COBL: variants seen among roughly 807,000 people sequenced by gnomAD.
COBL encodes the protein protein cordon-bleu.
Under a neutral mutation model 98.8 loss-of-function variants are expected in COBL, and 51 were observed. The observed-to-expected ratio is 0.52, with a 90% CI of 0.41 to 0.65. The LOEUF is 0.65. Ranked by LOEUF, COBL falls within the 30% of genes least tolerant of loss-of-function variation. The pLI is 0.00. For missense variants in COBL, 1,617 were observed against 1,617.5 expected (o/e 1.00, Z 0.01); for synonymous variants, 634 against 651.7 (o/e 0.97, Z 0.41).
In COBL at chr7:51,316,588, CTTA is replaced by C; in HGVS notation, c.41+2_41+4del. ...TCCACCCCGCCCGACCGCGGGGCCG[CTTA>C]CCCGGTCGGGGGCTTGGCCGCCGAG... On this transcript the variant is annotated splice_donor_variant and splice_donor_region_variant and intron_variant, in intron 1 of 12. Coordinates refer to ENST00000265136, the MANE Select transcript of COBL (RefSeq NM_015198.5). LOFTEE classifies it high-confidence loss of function. 2 of 1,207,140 alleles carry C rather than the reference CTTA, an allele frequency of 1.7e-6. No homozygotes were observed. Among genetic ancestry groups the C allele is most frequent in the Non-Finnish European group, 2.1e-6 (2 of 972,228 alleles). The allele number at this position is 1,207,140 out of a possible 1,614,324, so 74.8% of individuals were successfully genotyped here. A position where few individuals can be genotyped will look rare whatever the true frequency, so the allele number is the denominator to read the frequency against.
chr7:51,044,232 C>T (rs1032612265), intron 7 of COBL, among the ~76,000 whole-genome samples: 3 of 152,144 alleles, frequency 2.0e-5, no homozygotes, highest in Non-Finnish European at 4.4e-5. Context: ...AGGCCAGTTT[C>T]TGTGGTTGAG....
chr7:51,209,407 G>A (rs1381016606), intron 2 of COBL, among the ~76,000 whole-genome samples: 1 of 152,198 alleles, frequency 6.6e-6, no homozygotes, highest in Non-Finnish European at 1.5e-5. Context: ...GGAGCACCTG[G>A]TGCGGCCTGG....
chr7:51,059,032 GTGAGTA>G (rs1371498392), intron 7 of COBL, among the ~76,000 whole-genome samples: 18 of 152,236 alleles, frequency 1.2e-4, no homozygotes, highest in African/African-American at 4.3e-4. Context: ...CCCCATGTGG[GTGAGTA>G]TAAGTGCACC....
chr7:51,274,581 CTT>C (rs1221085756), intron 1 of COBL, among the ~76,000 whole-genome samples: 5 of 152,212 alleles, frequency 3.3e-5, no homozygotes, highest in African/African-American at 1.2e-4. Flanking sequence ...GATGCAGTGA[CTT>C]TACTATGGAA....
At chr7:51,103,868 A>G (rs1227714121) in intron 6 of COBL, among the ~76,000 whole-genome samples, 1 of 152,244 alleles carries the variant, frequency 6.6e-6, no homozygotes, top group Non-Finnish European at 1.5e-5. Context: ...ATCTAACTCA[A>G]ATCAGAGGGG....
At chr7:51,311,322 G>A (rs1164897857) in intron 1 of COBL, among the ~76,000 whole-genome samples, 1 of 152,192 alleles carries the variant, frequency 6.6e-6, no homozygotes, top group Non-Finnish European at 1.5e-5. Flanking sequence ...TCCCTGCTGG[G>A]GAAAGCCATC....
chr7:51,095,272 C>T (rs1583773763), intron 6 of COBL, among the ~76,000 whole-genome samples: 1 of 152,104 alleles, frequency 6.6e-6, no homozygotes, highest in Non-Finnish European at 1.5e-5. Flanking sequence ...TATTCACTAT[C>T]ATGAGAACAG....
chr7:51,147,456 C>A (rs1408814340), intron 5 of COBL, among the ~76,000 whole-genome samples: 4 of 152,174 alleles, frequency 2.6e-5, no homozygotes, highest in Non-Finnish European at 5.9e-5. Flanking sequence ...TCATTTATAA[C>A]CTGACGCGTT....
rs532176800 is a variant in COBL at position 51,071,217 on chromosome 7, C to T, written c.1096+13949G>A. ...ATGGCTTATAAGGAGGAGAAATGAC[C>T]TGTAACAAGGGATGGGTTCTAAGCT... On this transcript the variant is annotated intron_variant, in intron 7 of 12. Transcript: ENST00000265136. 13 of 152,254 alleles carry T rather than the reference C, an allele frequency of 8.5e-5. No individual in the cohort carries two copies. In the South Asian group the frequency reaches 2.7e-3, roughly 32 times the overall value. 9.4% of individuals were successfully genotyped at this position (152,254 alleles called of 1,614,324 possible). A position where few individuals can be genotyped will look rare whatever the true frequency, so the allele number is the denominator to read the frequency against.
chr7:51,095,708 T>A (rs999603106), intron 6 of COBL, among the ~76,000 whole-genome samples: 1 of 152,030 alleles, frequency 6.6e-6, no homozygotes, highest in East Asian at 1.9e-4. Flanking sequence ...AGATATTCCA[T>A]GCAAATAGTA....
rs370720064 is a variant in COBL at position 51,043,737 on chromosome 7, C to A, written c.1097-45G>T. The A allele has an allele frequency of 2.0e-6, 3 of 1,533,146 alleles. No homozygotes were observed. In the African/African-American group the frequency reaches 4.1e-5, roughly 21 times the overall value. 95.0% of individuals were successfully genotyped at this position (1,533,146 alleles called of 1,614,324 possible). A position where few individuals can be genotyped will look rare whatever the true frequency, so the allele number is the denominator to read the frequency against. On this transcript the variant is annotated intron_variant, in intron 7 of 12. Coordinates refer to ENST00000265136, the MANE Select transcript of COBL (RefSeq NM_015198.5). Reference sequence around the variant, plus strand: ...GACAGGTCAGCCCAAACCACTCTGGCGTCCATACTGCCTAACAAGTGTGAC... The same window carrying A: ...GACAGGTCAGCCCAAACCACTCTGGAGTCCATACTGCCTAACAAGTGTGAC...
At chr7:51,273,091 G>A (rs1326595416) in intron 1 of COBL, among the ~76,000 whole-genome samples, 1 of 152,146 alleles carries the variant, frequency 6.6e-6, no homozygotes, top group Non-Finnish European at 1.5e-5. Flanking sequence ...CACTTTGGGA[G>A]GCCAAGGTAG....
intron 7 of COBL, among the ~76,000 whole-genome samples, chr7:51,058,381 G>A (rs1248395675): frequency 6.6e-6 from 1 of 152,098 alleles, no homozygotes; most frequent in African/African-American, 2.4e-5. Flanking sequence ...GACCCTGTCT[G>A]TCTCTACAAA....
chr7:51,155,589 CAAAAAAAAAAAAAAA>C (rs58500324), intron 5 of COBL, among the ~76,000 whole-genome samples: 13 of 30,788 alleles, frequency 4.2e-4, no homozygotes, highest in African/African-American at 1.3e-3. Context: ...GACTCCATCT[CAAAAAAAAAAAAAAA>C]AAAAAAAAAA....
intron 8 of COBL, among the ~76,000 whole-genome samples, chr7:51,041,994 A>G (rs1789244193): frequency 1.3e-5 from 2 of 152,162 alleles, no homozygotes; most frequent in Non-Finnish European, 2.9e-5. Context: ...CAACGTGCAC[A>G]TGGACACTTG....
chr7:51,306,416 C>A (rs772727085), intron 1 of COBL, among the ~76,000 whole-genome samples: 1 of 152,080 alleles, frequency 6.6e-6, no homozygotes, highest in Non-Finnish European at 1.5e-5. Flanking sequence ...ATTTGTGGGT[C>A]TGGGTTCTGT....
chr7:51,178,091 A>G (rs1440737743), intron 5 of COBL, among the ~76,000 whole-genome samples: 1 of 152,168 alleles, frequency 6.6e-6, no homozygotes, highest in Non-Finnish European at 1.5e-5. Flanking sequence ...GGTTGCAGTG[A>G]GCCAAGATCA....
At chr7:51,178,474 C>G (rs906166017) in intron 5 of COBL, among the ~76,000 whole-genome samples, 1 of 152,004 alleles carries the variant, frequency 6.6e-6, no homozygotes, top group African/African-American at 2.4e-5. Context: ...AAAGGCAAAA[C>G]TTGTTTTTCT....
At chr7:51,024,652 A>G (rs1286019399) in intron 12 of COBL, among the ~76,000 whole-genome samples, 1 of 89,264 alleles carries the variant, frequency 1.1e-5, no homozygotes, top group Non-Finnish European at 2.1e-5. Flanking sequence ...AGCATGTACG[A>G]GTGAATGAAT....
Sources: gnomAD v4.1 joint callset for allele counts (sites outside exome capture counted in the v4.1 genomes callset) on GRCh38, gnomAD v4.1.1 for gene constraint, MANE v1.5 for transcripts, NCBI Gene and HGNC (gene_info 2026-07-23, HGNC 2026-07-21) for gene names.